The following CRB1 variants were observed in gnomAD, a reference collection of about 807,000 sequenced individuals.
CRB1 encodes protein crumbs homolog 1.
CRB1 carries 83 observed loss-of-function variants against 120.0 expected under a neutral mutation model. That is an observed-to-expected ratio of 0.69 (90% CI 0.58 to 0.83). The LOEUF (loss-of-function observed/expected upper bound fraction) is 0.83. CRB1 is among the 40% of genes least tolerant of loss of function. The probability of loss-of-function intolerance (pLI) is 0.00; values close to 1 mark genes in which losing one functional copy is unlikely to be tolerated. For synonymous variants in CRB1, 625 were observed against 612.5 expected (o/e 1.02, Z -0.30); for missense variants, 1,699 against 1,687.6 (o/e 1.01, Z -0.12).
intron 3 of CRB1, 88 bp downstream of exon 3, chr1:197,344,564 T>C: frequency 3.9e-6 from 5 of 1,284,984 alleles, no homozygotes; most frequent in Non-Finnish European, 5.7e-6. Context: ...AGCTCTCACG[T>C]TCTCGGCTTA....
intron 5 of CRB1, among the ~76,000 whole-genome samples, chr1:197,381,475 T>A (rs1418384932): frequency 2.0e-5 from 3 of 152,212 alleles, no homozygotes; most frequent in Non-Finnish European, 4.4e-5. Context: ...GTCCTTACAG[T>A]GATATCTTAC....
intron 5 of CRB1, chr1:197,357,427 T>A (rs1660547417): frequency 3.9e-6 from 1 of 255,158 alleles, no homozygotes; most frequent in South Asian, 5.0e-5. Context: ...CAAGTAATCT[T>A]CCTCAACGAT....
chr1:197,242,164 G>T, the CRB1 span, among the ~76,000 whole-genome samples: 2 of 152,030 alleles, frequency 1.3e-5, no homozygotes, highest in African/African-American at 4.8e-5. Flanking sequence ...CTTCCTATTT[G>T]AATACCCTTT....
chr1:197,214,537 A>C, the CRB1 span, among the ~76,000 whole-genome samples: 895 of 152,306 alleles, frequency 5.9e-3, 11 homozygotes, highest in African/African-American at 0.021. Context: ...AGGGATGACT[A>C]TACTATGAAC....
chr1:197,436,785 T>G (rs1665181419), intron 9 of CRB1, among the ~76,000 whole-genome samples: 1 of 152,170 alleles, frequency 6.6e-6, no homozygotes, highest in Non-Finnish European at 1.5e-5. Flanking sequence ...AATATTGTTT[T>G]CTACAACTTA....
At chr1:197,294,328 C>G (rs937627709) in intron 1 of CRB1, among the ~76,000 whole-genome samples, 7 of 152,156 alleles carry the variant, frequency 4.6e-5, no homozygotes, top group African/African-American at 1.7e-4. Flanking sequence ...TTCATCATCA[C>G]TGGCCATCAG....
chr1:197,343,294 A>G (rs1659576446), intron 2 of CRB1, among the ~76,000 whole-genome samples: 1 of 152,162 alleles, frequency 6.6e-6, no homozygotes. Flanking sequence ...ATAAAGATGG[A>G]TAAGTATAGA....
rs574742026 is a variant in CRB1 at position 197,300,476 on chromosome 1, C to T, written c.71-27946C>T. On this transcript the variant is annotated intron_variant, in intron 1 of 11. Transcript: ENST00000367400. The stretch of plus-strand genomic sequence containing the variant: ...CATTTCCTTAAGCCAAAGCCTAACC[C>T]GGAGCAAAGCCCCTACTCTCCTCAA... 1.8e-4 allele frequency among the ~76,000 whole-genome samples: 27 copies of T among 151,996 alleles called. 2 individuals are homozygous for T. The highest frequency in any genetic ancestry group is 5.8e-4 in the East Asian group (3 of 5,172).
chr1:197,337,531 A>T (rs1354003678), intron 2 of CRB1, among the ~76,000 whole-genome samples: 1 of 152,168 alleles, frequency 6.6e-6, no homozygotes, highest in African/African-American at 2.4e-5. Flanking sequence ...AATGAAATGG[A>T]TTAACAAAAG....
chr1:197,206,086 G>A, the CRB1 span, among the ~76,000 whole-genome samples: 7 of 151,876 alleles, frequency 4.6e-5, no homozygotes, highest in Non-Finnish European at 1.0e-4. Flanking sequence ...GTATTTCTGT[G>A]GTATCAGCTG....
At chr1:197,368,289 CTG>C (rs1052578542) in intron 5 of CRB1, among the ~76,000 whole-genome samples, 23 of 152,062 alleles carry the variant, frequency 1.5e-4, no homozygotes, top group African/African-American at 4.6e-4. Flanking sequence ...GCATAAATAA[CTG>C]TAACTCTAAA....
At chr1:197,218,580 T>G in the CRB1 span, among the ~76,000 whole-genome samples, 1 of 152,190 alleles carries the variant, frequency 6.6e-6, no homozygotes, top group African/African-American at 2.4e-5. Context: ...TGGAGGTCAA[T>G]GAAGTTGGAT....
At chr1:197,227,116 C>G in the CRB1 span, among the ~76,000 whole-genome samples, 5 of 152,138 alleles carry the variant, frequency 3.3e-5, no homozygotes, top group African/African-American at 1.2e-4. Context: ...ATTTCAAAAC[C>G]AATCATGCCT....
intron 2 of CRB1, among the ~76,000 whole-genome samples, chr1:197,336,075 C>A (rs1472686337): frequency 1.3e-5 from 2 of 152,206 alleles, no homozygotes; most frequent in African/African-American, 4.8e-5. Flanking sequence ...ATTTTACCTC[C>A]CTGGGTTACA....
At chr1:197,377,567 T>A (rs926224832) in intron 5 of CRB1, among the ~76,000 whole-genome samples, 5 of 152,226 alleles carry the variant, frequency 3.3e-5, no homozygotes, top group Admixed American at 1.3e-4. Context: ...TTATAGTGTA[T>A]GCCATATTTT....
the CRB1 span, among the ~76,000 whole-genome samples, chr1:197,255,119 G>A: frequency 6.6e-6 from 1 of 151,970 alleles, no homozygotes. Context: ...TTTGATAGCA[G>A]TGTGCTAAAT....
intron 1 of CRB1, among the ~76,000 whole-genome samples, chr1:197,271,207 A>G (rs1654888470): frequency 6.6e-6 from 1 of 152,120 alleles, no homozygotes; most frequent in African/African-American, 2.4e-5. Flanking sequence ...TCAAGAAATA[A>G]AAAGAAAGGG....
At chr1:197,276,340 A>G (rs1655205648) in intron 1 of CRB1, among the ~76,000 whole-genome samples, 1 of 151,828 alleles carries the variant, frequency 6.6e-6, no homozygotes, top group African/African-American at 2.4e-5. Context: ...TTAAGATAGG[A>G]TAATTAATAA....
chr1:197,458,211 G>T (rs1285939457), intron 11 of CRB1, among the ~76,000 whole-genome samples: 1 of 151,984 alleles, frequency 6.6e-6, no homozygotes, highest in Admixed American at 6.6e-5. Context: ...AGGAAAAATG[G>T]GTGGTACCAG....
Sources: gnomAD v4.1 joint callset for allele counts (sites outside exome capture counted in the v4.1 genomes callset) on GRCh38, gnomAD v4.1.1 for gene constraint, MANE v1.5 for transcripts, NCBI Gene and HGNC (gene_info 2026-07-23, HGNC 2026-07-21) for gene names.